IL17RD: variants seen among roughly 807,000 people sequenced by gnomAD.
The protein encoded by IL17RD is interleukin 17 receptor D.
In IL17RD, 52 loss-of-function variants were observed where a neutral mutation model predicts 80.5. The observed-to-expected ratio is 0.65, with a 90% CI of 0.52 to 0.81. The LOEUF is 0.81. Among genes scored for constraint, IL17RD ranks in the 40% least tolerant of loss-of-function variants. IL17RD has a pLI of 0.00. For synonymous variants in IL17RD, 416 were observed against 391.8 expected (o/e 1.06, Z -0.73); for missense variants, 1,024 against 955.1 (o/e 1.07, Z -0.95).
At chr3:57,113,501 T>A (rs2107488629) in intron 3 of IL17RD, among the ~76,000 whole-genome samples, 1 of 152,166 alleles carries the variant, frequency 6.6e-6, no homozygotes, top group Admixed American at 6.5e-5. Flanking sequence ...CCTCCCTAAG[T>A]GCTGGAATTA....
chr3:57,105,804 TG>T (rs1450417723), intron 7 of IL17RD, 52 bp downstream of exon 7: 2 of 1,546,150 alleles, frequency 1.3e-6, no homozygotes, highest in East Asian at 2.3e-5. Flanking sequence ...TCCAGTGGCC[TG>T]GGGGTCGCTT....
rs1286705074 is a variant in IL17RD, at chr3:57,097,619, C to T, written c.2084G>A (p.Ser695Asn). 1 of 1,581,942 alleles carries T rather than the reference C, an allele frequency of 6.3e-7. No homozygotes were observed. The highest frequency in any genetic ancestry group is 1.8e-5 in the Admixed American group (1 of 55,036). The change falls in exon 12 of 13, where the codon AGC (serine) becomes AAC (asparagine). Residue 695 changes from serine (S) to asparagine (N), a missense_variant. Coordinates refer to ENST00000296318, the MANE Select transcript of IL17RD (RefSeq NM_017563.5). Reference protein sequence around the residue: ...DQTETSSLTESVSSSSGLGEE... With the variant: ...DQTETSSLTENVSSSSGLGEE... ...ACCCAGGCCTGAAGAGGAGGACACG[C>T]TCTCCGTCAGGGAAGACGTTTCTGT... is the stretch of plus-strand genomic sequence containing the variant.
upstream of IL17RD, among the ~76,000 whole-genome samples, chr3:57,169,940 T>C (rs1288982331): frequency 6.6e-6 from 1 of 152,164 alleles, no homozygotes; most frequent in Non-Finnish European, 1.5e-5. Context: ...GGGAAGCTGA[T>C]GCTCAGCGAG....
chr3:57,102,413 CTT>C, intron 10 of IL17RD, 64 bp downstream of exon 10: 2 of 842,598 alleles, frequency 2.4e-6, no homozygotes, highest in South Asian at 6.0e-5. Context: ...CCCAGTCTCT[CTT>C]TCTCTTGGCA....
chr3:57,112,643 A>G (rs1250877225), intron 3 of IL17RD, among the ~76,000 whole-genome samples: 1 of 152,214 alleles, frequency 6.6e-6, no homozygotes, highest in Admixed American at 6.5e-5. Context: ...TTTTATCTAC[A>G]GAAAATGTTT....
intron 1 of IL17RD, among the ~76,000 whole-genome samples, chr3:57,145,394 A>T (rs1403168745): frequency 6.6e-6 from 1 of 152,230 alleles, no homozygotes; most frequent in Non-Finnish European, 1.5e-5. Flanking sequence ...ATGAAGGCAG[A>T]TGGAGACGTG....
rs770716213 is a variant in IL17RD, at chr3:57,098,295, C to T, written c.1408G>A (p.Ala470Thr). 1.9e-6 allele frequency: 3 copies of T among 1,613,898 alleles called. No homozygotes were observed. Among genetic ancestry groups the T allele is most frequent in the African/African-American group, 2.7e-5 (2 of 74,936 alleles). ...KLRQAKQSSS[A>T]ALSKFIAVYF... is the part of the protein sequence containing the mutation. ...ACGGCGATAAACTTGCTGAGCGCCG[C>T]GGACGAACTCTGCTTGGCCTGGCGG... The change falls in exon 12 of 13, where the codon GCG becomes ACG. Residue 470 changes from alanine to threonine, a missense_variant. By Grantham distance (58) the Ala-to-Thr change is moderately conservative. Coordinates refer to ENST00000296318, the MANE Select transcript of IL17RD (RefSeq NM_017563.5).
chr3:57,163,666 T>C (rs1291660234), intron 1 of IL17RD, among the ~76,000 whole-genome samples: 1 of 152,020 alleles, frequency 6.6e-6, no homozygotes, highest in African/African-American at 2.4e-5. Context: ...GGAAACTTGC[T>C]AGCTACTAAA....
chr3:57,162,241 C>G (rs1295912697), intron 1 of IL17RD, among the ~76,000 whole-genome samples: 6 of 152,366 alleles, frequency 3.9e-5, no homozygotes, highest in Admixed American at 3.3e-4. Context: ...TTGCTCAGCT[C>G]TGCTCCAGCA....
chr3:57,122,101 G>GAT (rs1477381863), intron 1 of IL17RD, among the ~76,000 whole-genome samples: 6 of 152,078 alleles, frequency 3.9e-5, no homozygotes, highest in Non-Finnish European at 5.9e-5. Context: ...GGCAAAACAA[G>GAT]GTATATATAG....
At chr3:57,101,146 C>G in intron 11 of IL17RD, 33 bp downstream of exon 11, 5 of 1,590,410 alleles carry the variant, frequency 3.1e-6, no homozygotes, top group Non-Finnish European at 4.3e-6. Context: ...AGTGTCCTGG[C>G]CAGGGTAGGA....
upstream of IL17RD, among the ~76,000 whole-genome samples, chr3:57,167,767 T>C (rs531191180): frequency 6.6e-6 from 1 of 152,354 alleles, no homozygotes; most frequent in South Asian, 2.1e-4. Flanking sequence ...ACCATCTTAA[T>C]TGGCTTCTCT....
At chr3:57,157,637 G>A (rs962890173) in intron 1 of IL17RD, among the ~76,000 whole-genome samples, 3 of 152,236 alleles carry the variant, frequency 2.0e-5, no homozygotes, top group African/African-American at 7.2e-5. Flanking sequence ...CAGAGACCAC[G>A]CTCAGGCGGC....
intron 7 of IL17RD, 21 bp downstream of exon 7, chr3:57,105,836 T>C: frequency 6.2e-7 from 1 of 1,610,344 alleles, no homozygotes; most frequent in East Asian, 2.2e-5. Flanking sequence ...AGTGTTCCTT[T>C]ATATACACCC....
chr3:57,167,199 T>C (rs557669725), upstream of IL17RD, among the ~76,000 whole-genome samples: 10 of 142,078 alleles, frequency 7.0e-5, no homozygotes, highest in African/African-American at 1.3e-4. Flanking sequence ...CTGGGCAGAA[T>C]TTTTTTTTTT....
At chr3:57,124,614 G>A (rs1559475652) in intron 1 of IL17RD, among the ~76,000 whole-genome samples, 1 of 152,140 alleles carries the variant, frequency 6.6e-6, no homozygotes, top group Non-Finnish European at 1.5e-5. Context: ...CCTCCAGAAG[G>A]AGCCAGCGCA....
upstream of IL17RD, chr3:57,165,395 G>A (rs559759862): frequency 2.0e-5 from 19 of 955,524 alleles, no homozygotes; most frequent in South Asian, 8.7e-4. Context: ...GAAGGGGACC[G>A]CACTGGGCAT....
chr3:57,155,229 T>C (rs1000746568), intron 1 of IL17RD, among the ~76,000 whole-genome samples: 2 of 152,266 alleles, frequency 1.3e-5, no homozygotes, highest in South Asian at 2.1e-4. Context: ...TGAGGGCTGC[T>C]GCCAGGGAGT....
In IL17RD at chr3:57,093,945, G is replaced by T. The variant is rs1469716214; in HGVS notation, c.*2448C>A. On this transcript the variant is annotated 3_prime_UTR_variant, in exon 13 of 13. Transcript: ENST00000296318. ...TCCTGGAAACCTGGACTTATCCCTG[G>T]TCTCTTTTCTAGAGGACGTTGTCTA... 3 of 152,140 alleles carry T rather than the reference G, an allele frequency of 2.0e-5. No homozygotes were observed. The highest frequency in any genetic ancestry group is 2.1e-4 in the South Asian group (1 of 4,822). The allele number at this position is 152,140 out of a possible 1,614,324, so 9.4% of individuals were successfully genotyped here.
Sources: gnomAD v4.1 joint callset for allele counts (sites outside exome capture counted in the v4.1 genomes callset) on GRCh38, gnomAD v4.1.1 for gene constraint, MANE v1.5 for transcripts, NCBI Gene and HGNC (gene_info 2026-07-23, HGNC 2026-07-21) for gene names.